Variants in ASTN2 observed in about 807,000 individuals in gnomAD.
ASTN2 encodes astrotactin-2.
Under a neutral mutation model 139.8 loss-of-function variants are expected in ASTN2, and 54 were observed. The ratio of observed to expected loss-of-function variants is 0.39; its 90% CI spans 0.31 to 0.48. The LOEUF is 0.48. ASTN2 is among the 20% of genes least tolerant of loss of function. ASTN2 has a pLI of 0.95. For missense variants in ASTN2, 1,565 were observed against 1,725.1 expected (o/e 0.91, Z 1.64); for synonymous variants, 756 against 719.5 (o/e 1.05, Z -0.81).
chr9:117,340,533 G>C (rs772081692), intron 1 of ASTN2, among the ~76,000 whole-genome samples: 1 of 151,878 alleles, frequency 6.6e-6, no homozygotes, highest in Non-Finnish European at 1.5e-5. Flanking sequence ...TAAGACCTGT[G>C]GGGGGAATGA....
intron 10 of ASTN2, among the ~76,000 whole-genome samples, chr9:116,890,571 A>G (rs2132387456): frequency 6.6e-6 from 1 of 152,314 alleles, no homozygotes; most frequent in East Asian, 1.9e-4. Flanking sequence ...ATCTTTTGAC[A>G]CTTAAGCTTT....
chr9:116,889,663 A>T (rs1371367663), intron 10 of ASTN2, among the ~76,000 whole-genome samples: 1 of 151,726 alleles, frequency 6.6e-6, no homozygotes, highest in Non-Finnish European at 1.5e-5. Flanking sequence ...AGGCAGAAGG[A>T]TCACTTGAGC....
intron 1 of ASTN2, among the ~76,000 whole-genome samples, chr9:117,357,809 T>C (rs536895248): frequency 6.6e-6 from 1 of 152,346 alleles, no homozygotes; most frequent in East Asian, 1.9e-4. Context: ...CTGTAATTGC[T>C]GTGAGGATTT....
chr9:116,871,689 C>G (rs2225067), intron 10 of ASTN2, among the ~76,000 whole-genome samples: 2 of 152,006 alleles, frequency 1.3e-5, no homozygotes, highest in African/African-American at 4.8e-5. Context: ...TATAGATATT[C>G]CACATTTTAT....
chr9:116,738,136 G>C (rs1828991906), intron 13 of ASTN2, among the ~76,000 whole-genome samples: 1 of 150,244 alleles, frequency 6.7e-6, no homozygotes, highest in African/African-American at 2.5e-5. Context: ...AGCTTGCAGT[G>C]AGCCGAGATC....
intron 19 of ASTN2, among the ~76,000 whole-genome samples, chr9:116,588,670 C>T (rs1160737994): frequency 1.3e-5 from 2 of 151,888 alleles, no homozygotes; most frequent in Non-Finnish European, 2.9e-5. Flanking sequence ...TGCTGGAACG[C>T]TCAAGAAATG....
At chr9:117,175,936 A>T (rs1263433137) in intron 3 of ASTN2, among the ~76,000 whole-genome samples, 3 of 152,066 alleles carry the variant, frequency 2.0e-5, no homozygotes, top group Non-Finnish European at 4.4e-5. Flanking sequence ...CATAAGTCAT[A>T]GATTGGAAGA....
At chr9:116,978,808 C>T (rs1036350750) in intron 7 of ASTN2, among the ~76,000 whole-genome samples, 3 of 152,074 alleles carry the variant, frequency 2.0e-5, no homozygotes, top group Non-Finnish European at 4.4e-5. Context: ...AAAATCTCCT[C>T]TCATCTTTGT....
chr9:117,213,225 G>A (rs1027490631), intron 3 of ASTN2, among the ~76,000 whole-genome samples: 11 of 152,112 alleles, frequency 7.2e-5, no homozygotes, highest in Admixed American at 5.9e-4. Flanking sequence ...TGTGGAAGCT[G>A]AAAATAATTG....
At chr9:116,687,330 G>A in intron 16 of ASTN2, 1 of 958,578 alleles carries the variant, frequency 1.0e-6, no homozygotes, top group Non-Finnish European at 1.2e-6. Context: ...CGCAGAGGGA[G>A]GCAGGCGGGT....
intron 2 of ASTN2, among the ~76,000 whole-genome samples, chr9:117,284,090 A>G (rs911924552): frequency 1.1e-4 from 16 of 152,270 alleles, no homozygotes; most frequent in African/African-American, 3.6e-4. Flanking sequence ...GTGTTATTTG[A>G]AGACAGGGTA....
intron 13 of ASTN2, among the ~76,000 whole-genome samples, chr9:116,733,902 C>T (rs116611683): frequency 0.02 from 3,000 of 152,122 alleles, 101 homozygotes; most frequent in African/African-American, 0.069. Context: ...TGTATGTGGC[C>T]GCTAAATGTC....
intron 13 of ASTN2, among the ~76,000 whole-genome samples, chr9:116,755,343 T>C (rs1363232427): frequency 1.3e-5 from 2 of 152,086 alleles, no homozygotes; most frequent in Admixed American, 1.3e-4. Context: ...TATTCAGACA[T>C]AGGGCCCTTA....
chr9:116,914,556 A>C (rs1051263547), intron 10 of ASTN2, among the ~76,000 whole-genome samples: 5 of 148,176 alleles, frequency 3.4e-5, no homozygotes, highest in Non-Finnish European at 5.9e-5. Flanking sequence ...TTTTATTATT[A>C]TTATTATTAT....
chr9:116,423,570 T>A lies in ASTN2; in HGVS notation c.*2281A>T, dbSNP rs1371208525. On this transcript the variant is annotated 3_prime_UTR_variant, in exon 23 of 23. Transcript: ENST00000313400. ...TTGGGACCCAGGCCCAGCAAACTGA[T>A]AGCTCTCTGAAGGCCCATGTATACC... Among the ~76,000 whole-genome samples, 2 of 152,176 alleles carry A rather than the reference T, an allele frequency of 1.3e-5. No homozygotes were observed. The highest frequency in any genetic ancestry group is 4.8e-5 in the African/African-American group (2 of 41,446).
chr9:117,307,171 A>G (rs1835022050), intron 1 of ASTN2, among the ~76,000 whole-genome samples: 1 of 152,244 alleles, frequency 6.6e-6, no homozygotes, highest in East Asian at 1.9e-4. Context: ...GTGTGCTCAC[A>G]AACACATGTA....
chr9:117,024,224 C>T (rs930119037), intron 6 of ASTN2, among the ~76,000 whole-genome samples: 1 of 152,108 alleles, frequency 6.6e-6, no homozygotes. Flanking sequence ...ATCTTCTACC[C>T]AACTCCTCAT....
At chr9:116,683,228 C>T (rs1056640039) in intron 16 of ASTN2, among the ~76,000 whole-genome samples, 9 of 151,750 alleles carry the variant, frequency 5.9e-5, no homozygotes, top group Admixed American at 3.3e-4. Flanking sequence ...ATATTAGAAT[C>T]GAGGAAAAAC....
chr9:116,453,279 C>T lies in ASTN2; in HGVS notation c.3498-10726G>A, dbSNP rs547672066. On this transcript the variant is annotated intron_variant, in intron 20 of 22. Transcript: ENST00000313400. ...TATCTGTAAAATGGAGTCAACAATA[C>T]TTGCCTCACAAGATTGTTGTAAGAA... Among the ~76,000 whole-genome samples the T allele has an allele frequency of 7.9e-5, 12 of 152,258 alleles. No homozygotes were observed. In the South Asian group the frequency reaches 2.5e-3, roughly 32 times the overall value.
Sources: allele counts gnomAD v4.1 joint callset (sites outside exome capture counted in the v4.1 genomes callset), GRCh38; gene constraint gnomAD v4.1.1; transcripts MANE v1.5; gene names NCBI Gene and HGNC (gene_info 2026-07-23, HGNC 2026-07-21).